The following PARD3B variants were observed in gnomAD, a reference collection of about 807,000 sequenced individuals.
The protein encoded by PARD3B is par-3 family cell polarity regulator beta.
In PARD3B, 103 loss-of-function variants were observed where a neutral mutation model predicts 130.2. That is an observed-to-expected ratio of 0.79 (90% CI 0.67 to 0.93). PARD3B has a LOEUF of 0.93. PARD3B is among the 40% of genes least tolerant of loss of function. The pLI, the probability that PARD3B is intolerant of heterozygous loss-of-function variation, is 0.00. For missense variants in PARD3B, 1,609 were observed against 1,499.2 expected (o/e 1.07, Z -1.21); for synonymous variants, 583 against 553.2 (o/e 1.05, Z -0.76).
chr2:205,332,592 G>A (rs1036680742), intron 18 of PARD3B, among the ~76,000 whole-genome samples: 2 of 152,156 alleles, frequency 1.3e-5, no homozygotes, highest in African/African-American at 4.8e-5. Flanking sequence ...TCTGTTCATC[G>A]CCACCTATCC....
intron 2 of PARD3B, among the ~76,000 whole-genome samples, chr2:204,743,285 A>G (rs369201036): frequency 2.0e-5 from 3 of 152,072 alleles, no homozygotes; most frequent in African/African-American, 7.2e-5. Flanking sequence ...TTTTTGCATT[A>G]TATTTTTGTA....
rs997654322 is a variant in PARD3B at position 205,568,054 on chromosome 2, C to T, written c.3260+14651C>T. On this transcript the variant is annotated intron_variant, in intron 22 of 22. Transcript: ENST00000406610. This position sits in a 1 kb window ranked among gnomAD's most constrained non-coding sequence, Gnocchi z 5.3. ...CAACTCCCCAGCACTTCTTCCTGTC[C>T]AGTGCACTGGTAACAGAAGCCTCAA... Among the ~76,000 whole-genome samples the T allele has an allele frequency of 6.6e-6, 1 of 152,130 alleles. No individual in the cohort carries two copies.
At chr2:205,394,664 G>A (rs1270297460) in intron 18 of PARD3B, among the ~76,000 whole-genome samples, 4 of 152,198 alleles carry the variant, frequency 2.6e-5, no homozygotes, top group Admixed American at 2.6e-4. Flanking sequence ...AGCCTTAAAA[G>A]GGAATGAAAT....
At chr2:205,208,691 TA>T (rs2037456684) in intron 15 of PARD3B, among the ~76,000 whole-genome samples, 5 of 144,774 alleles carry the variant, frequency 3.5e-5, no homozygotes, top group South Asian at 2.2e-4. Flanking sequence ...CAAGGAGAAC[TA>T]CAAACCACTG....
chr2:204,707,470 T>G (rs887475544), intron 2 of PARD3B, among the ~76,000 whole-genome samples: 1 of 152,222 alleles, frequency 6.6e-6, no homozygotes, highest in Non-Finnish European at 1.5e-5. Flanking sequence ...GAAACTTTTC[T>G]TGGTATTTTA....
chr2:205,395,606 A>G (rs942492259), intron 18 of PARD3B, among the ~76,000 whole-genome samples: 3 of 152,146 alleles, frequency 2.0e-5, no homozygotes, highest in African/African-American at 4.8e-5. Flanking sequence ...CATGTTTTAA[A>G]TTGAATCTTT....
chr2:204,816,525 G>C (rs2043152642), intron 2 of PARD3B, among the ~76,000 whole-genome samples: 1 of 151,790 alleles, frequency 6.6e-6, no homozygotes, highest in South Asian at 2.1e-4. Flanking sequence ...TAGAATTACA[G>C]GTTAACAATT....
chr2:205,174,201 G>A (rs12476088), intron 12 of PARD3B, among the ~76,000 whole-genome samples: 2,324 of 152,248 alleles, frequency 0.015, 233 homozygotes, highest in Admixed American at 0.14. Flanking sequence ...GTAGATTGGC[G>A]TTATTCCATC....
chr2:205,203,123 C>CA (rs113150981), intron 15 of PARD3B, among the ~76,000 whole-genome samples: 2,968 of 152,002 alleles, frequency 0.02, 75 homozygotes, highest in African/African-American at 0.051. Context: ...AGAAGAGATA[C>CA]AAAAAAACTA....
chr2:204,910,311 G>A (rs927803935), intron 2 of PARD3B, among the ~76,000 whole-genome samples: 5 of 152,140 alleles, frequency 3.3e-5, no homozygotes, highest in Non-Finnish European at 7.3e-5. Context: ...AAAAAACCTA[G>A]ACCTTATATA....
intron 19 of PARD3B, among the ~76,000 whole-genome samples, chr2:205,417,028 C>T (rs544614497): frequency 1.4e-4 from 21 of 151,726 alleles, no homozygotes; most frequent in East Asian, 9.7e-4. Flanking sequence ...GTGCTGCACC[C>T]GTTAACTCGT....
rs1267117840 is a variant in PARD3B at position 205,351,998 on chromosome 2, G to A, written c.2631-49015G>A. On this transcript the variant is annotated intron_variant, in intron 18 of 22. Coordinates refer to ENST00000406610, the MANE Select transcript of PARD3B (RefSeq NM_001302769.2). The surrounding 1 kb of genome is among the most constrained non-coding windows in gnomAD (Gnocchi z 4.2). The stretch of plus-strand genomic sequence containing the variant: ...AAAGAAAACCATTCTTTTTGGAGTA[G>A]TAAGCTCTTTTATAAGGCTGAAATA... 1.3e-5 allele frequency among the ~76,000 whole-genome samples: 2 copies of A among 152,156 alleles called. No individual in the cohort carries two copies. Among genetic ancestry groups the A allele is most frequent in the African/African-American group, 4.8e-5 (2 of 41,426 alleles).
intron 2 of PARD3B, among the ~76,000 whole-genome samples, chr2:204,699,365 A>G (rs891563413): frequency 6.6e-6 from 1 of 152,176 alleles, no homozygotes; most frequent in African/African-American, 2.4e-5. Context: ...GTGGTCCTTT[A>G]CATTGTGACA....
At chr2:205,581,194 C>A (rs1408669743) in intron 22 of PARD3B, among the ~76,000 whole-genome samples, 1 of 147,528 alleles carries the variant, frequency 6.8e-6, no homozygotes, top group African/African-American at 2.5e-5. Flanking sequence ...AAGTGTCTAT[C>A]AACAAATAAA....
intron 4 of PARD3B, among the ~76,000 whole-genome samples, chr2:205,086,042 T>C (rs894977442): frequency 9.9e-5 from 15 of 152,208 alleles, no homozygotes; most frequent in African/African-American, 3.6e-4. Context: ...CTTGTGGTGA[T>C]GCTGTTGCTA....
chr2:204,915,109 G>A (rs1256817108), intron 2 of PARD3B, among the ~76,000 whole-genome samples: 1 of 152,132 alleles, frequency 6.6e-6, no homozygotes, highest in Non-Finnish European at 1.5e-5. Flanking sequence ...TAAGAGGATG[G>A]TCTGGGGAAA....
At chr2:205,472,967 GAA>G (rs1424487230) in intron 20 of PARD3B, among the ~76,000 whole-genome samples, 113 of 151,360 alleles carry the variant, frequency 7.5e-4, no homozygotes, top group Middle Eastern at 3.4e-3. Flanking sequence ...ATGAATAAAT[GAA>G]TGAATGAATG....
intron 2 of PARD3B, among the ~76,000 whole-genome samples, chr2:204,909,665 A>C (rs892491587): frequency 6.6e-6 from 1 of 152,140 alleles, no homozygotes; most frequent in African/African-American, 2.4e-5. Context: ...AGCTTATATA[A>C]TCAGTTGTTA....
chr2:204,985,197 C>T (rs1324390317), intron 3 of PARD3B, among the ~76,000 whole-genome samples: 1 of 152,044 alleles, frequency 6.6e-6, no homozygotes, highest in East Asian at 1.9e-4. Context: ...TTCCCTCCTG[C>T]CTGTTTTTTC....
Sources: gnomAD v4.1 joint callset for allele counts (sites outside exome capture counted in the v4.1 genomes callset) on GRCh38, gnomAD v4.1.1 for gene constraint, Gnocchi (gnomAD v3.1) non-coding constraint, MANE v1.5 for transcripts, NCBI Gene and HGNC (gene_info 2026-07-23, HGNC 2026-07-21) for gene names.